Variants in LARP6 observed in about 807,000 individuals in gnomAD.
The protein encoded by LARP6 is la-related protein 6.
A neutral mutation model predicts 32.8 loss-of-function variants in LARP6; 18 were observed. That is an observed-to-expected ratio of 0.55 (90% CI 0.38 to 0.81). The LOEUF (loss-of-function observed/expected upper bound fraction) is 0.81. Ranked by LOEUF, LARP6 falls within the 40% of genes least tolerant of loss-of-function variation. LARP6 has a pLI of 0.00. For synonymous variants in LARP6, 289 were observed against 267.2 expected (o/e 1.08, Z -0.80); for missense variants, 598 against 663.1 (o/e 0.90, Z 1.08).
chr15:70,834,862 C>G (rs760473485), intron 2 of LARP6, among the ~76,000 whole-genome samples: 1 of 152,206 alleles, frequency 6.6e-6, no homozygotes, highest in South Asian at 2.1e-4. Flanking sequence ...GTATGTTCCC[C>G]TTTTGTGATT....
intron 1 of LARP6, among the ~76,000 whole-genome samples, chr15:70,848,403 C>T (rs1333401330): frequency 6.6e-6 from 1 of 152,150 alleles, no homozygotes; most frequent in Non-Finnish European, 1.5e-5. Context: ...ATATCAGGCA[C>T]TTAGTTCTAC....
At chr15:70,853,489 A>C in intron 1 of LARP6, 1 of 159,178 alleles carries the variant, frequency 6.3e-6, no homozygotes, top group Non-Finnish European at 1.4e-5. Flanking sequence ...ACCACTCGCA[A>C]GGGGAGGGGA....
intron 1 of LARP6, among the ~76,000 whole-genome samples, chr15:70,844,777 T>C (rs1214752838): frequency 6.6e-6 from 1 of 152,176 alleles, no homozygotes; most frequent in Non-Finnish European, 1.5e-5. Flanking sequence ...CTAAGAACTG[T>C]TTTTGATCCT....
intron 1 of LARP6, 129 bp downstream of exon 1, chr15:70,853,760 C>T: frequency 1.5e-6 from 1 of 661,170 alleles, no homozygotes; most frequent in Non-Finnish European, 2.1e-6. Context: ...CCCGGAGCTG[C>T]TTCCCCGGCG....
intron 1 of LARP6, among the ~76,000 whole-genome samples, chr15:70,840,222 T>G (rs2032226477): frequency 6.6e-6 from 1 of 152,166 alleles, no homozygotes; most frequent in African/African-American, 2.4e-5. Context: ...TAGGGAAAGT[T>G]TATCGCCTAA....
chr15:70,851,652 G>T, intron 1 of LARP6: 1 of 1,613,936 alleles, frequency 6.2e-7, no homozygotes, highest in Non-Finnish European at 8.5e-7. Context: ...TGTGCTGGGT[G>T]CTGTGCTAGG....
chr15:70,850,431 T>C (rs2032428110), intron 1 of LARP6, among the ~76,000 whole-genome samples: 1 of 152,210 alleles, frequency 6.6e-6, no homozygotes, highest in African/African-American at 2.4e-5. Context: ...TGAACATAGA[T>C]GCAAAAATCC....
chr15:70,839,432 T>C (rs566557810), intron 1 of LARP6, among the ~76,000 whole-genome samples: 3 of 102,950 alleles, frequency 2.9e-5, no homozygotes, highest in Admixed American at 1.4e-4. Flanking sequence ...AGAGTGAGAC[T>C]GTCTCAAAAA....
At chr15:70,849,388 C>CAAAA (rs979214670) in intron 1 of LARP6, 1 of 142,452 alleles carries the variant, frequency 7.0e-6, no homozygotes, top group African/African-American at 2.5e-5. Context: ...AACAAACAAA[C>CAAAA]AAAAAAATAT....
intron 2 of LARP6, among the ~76,000 whole-genome samples, chr15:70,834,481 G>A (rs1030290599): frequency 1.3e-5 from 2 of 152,252 alleles, no homozygotes; most frequent in African/African-American, 2.4e-5. Context: ...ACATGGTGAA[G>A]CCTTCTCCGA....
intron 1 of LARP6, among the ~76,000 whole-genome samples, chr15:70,848,596 G>A (rs1291805136): frequency 6.6e-6 from 1 of 152,146 alleles, no homozygotes; most frequent in East Asian, 1.9e-4. Flanking sequence ...GCCGGGCATG[G>A]TGGCAGGTGC....
chr15:70,833,234 G>T, intron 2 of LARP6, 118 bp from the exon 3 acceptor site: 1 of 793,990 alleles, frequency 1.3e-6, no homozygotes, highest in Non-Finnish European at 2.1e-6. Context: ...CTGTATTCTA[G>T]TGTCTAGAAT....
At chr15:70,851,409 G>GA in intron 1 of LARP6, 1 of 1,171,340 alleles carries the variant, frequency 8.5e-7, no homozygotes, top group Non-Finnish European at 1.1e-6. Flanking sequence ...AGGAGATGTG[G>GA]GGAGATGATC....
In LARP6 at chr15:70,832,813, G is replaced by T; in HGVS notation, c.715C>A (p.Leu239Met). The change falls in exon 3 of 3, where the codon CTG becomes ATG. Residue 239 changes from leucine (L) to methionine (M), a missense_variant. By Grantham distance (15) the Leu-to-Met change is conservative (BLOSUM62 2). Around this residue, in one of 3 missense-constraint regions of LARP6, gnomAD observed 368 missense variants for 397.9 expected, o/e 0.92. Coordinates refer to ENST00000299213, the MANE Select transcript of LARP6 (RefSeq NM_018357.4). ...CTGATCCTCCGGATGTCAGGGGGCA[G>T]CTCTCTCCCAGGTTTGAGGATCCGC... is the stretch of plus-strand genomic sequence containing the variant. Reference protein sequence around the residue: ...SVRILKPGRELPPDIRRISSR... With the variant: ...SVRILKPGREMPPDIRRISSR... 6.2e-7 allele frequency: 1 copy of T among 1,612,618 alleles called. No individual in the cohort carries two copies. The highest frequency in any genetic ancestry group is 8.5e-7 in the Non-Finnish European group (1 of 1,179,448).
intron 1 of LARP6, chr15:70,849,098 C>A (rs1039566583): frequency 6.6e-6 from 1 of 152,184 alleles, no homozygotes; most frequent in Non-Finnish European, 1.5e-5. Flanking sequence ...GTGGCTGACG[C>A]CTGTAATCCC....
At chr15:70,853,214 A>ACCCACC (rs2032526756) in intron 1 of LARP6, 2 of 100,848 alleles carry the variant, frequency 2.0e-5, no homozygotes, top group Non-Finnish European at 4.1e-5. Flanking sequence ...ACCCAGGAAC[A>ACCCACC]CCCCCCCCCC....
chr15:70,851,538 C>T lies in LARP6; in HGVS notation c.200+2351G>A, dbSNP rs2032451232. The T allele has an allele frequency of 2.0e-6, 3 of 1,520,356 alleles. No homozygotes were observed. In the South Asian group the frequency reaches 3.7e-5, roughly 19 times the overall value. The allele number at this position is 1,520,356 out of a possible 1,614,324, so 94.2% of individuals were successfully genotyped here. ...AAAAAGGAATAAGATAAGGCAGCTG[C>T]CTTCAAGGATCTCACTGTCTAGGGA... is the stretch of plus-strand genomic sequence containing the variant. On this transcript the variant is annotated intron_variant, in intron 1 of 2. Transcript: ENST00000299213.
At chr15:70,843,387 A>C (rs915042723) in intron 1 of LARP6, among the ~76,000 whole-genome samples, 31 of 152,342 alleles carry the variant, frequency 2.0e-4, no homozygotes, top group Admixed American at 5.2e-4. Flanking sequence ...TAAAGAAATC[A>C]ACAATTCCCC....
intron 1 of LARP6, among the ~76,000 whole-genome samples, chr15:70,847,737 G>T (rs2032373973): frequency 6.6e-6 from 1 of 151,988 alleles, no homozygotes. Context: ...ATCGAATCTG[G>T]TTACACTGAT....
Sources: gnomAD v4.1 joint callset for allele counts (sites outside exome capture counted in the v4.1 genomes callset) on GRCh38, gnomAD v4.1.1 for gene constraint, gnomAD v4.1.1 regional missense constraint, MANE v1.5 for transcripts, NCBI Gene and HGNC (gene_info 2026-07-23, HGNC 2026-07-21) for gene names.